Variants in AKR1C8 observed in about 807,000 individuals in gnomAD.
AKR1C8 encodes aldo-keto reductase family 1 member C-like protein 1.
At chr10:5,139,529 T>A in the AKR1C8 span, among the ~76,000 whole-genome samples, 4,803 of 152,164 alleles carry the variant, frequency 0.032, 259 homozygotes, top group African/African-American at 0.11. Context: ...TTGATAAACC[T>A]GACAAAAACA....
At chr10:5,129,039 A>G in the AKR1C8 span, among the ~76,000 whole-genome samples, 23 of 152,280 alleles carry the variant, frequency 1.5e-4, no homozygotes, top group African/African-American at 5.3e-4. Context: ...CCACAAAACA[A>G]GTCTCATTAA....
the AKR1C8 span, among the ~76,000 whole-genome samples, chr10:5,146,924 A>G: frequency 7.2e-5 from 11 of 152,180 alleles, no homozygotes; most frequent in African/African-American, 2.7e-4. Context: ...CTAGGTGTGT[A>G]GAGAAATTAG....
chr10:5,139,436 C>A, the AKR1C8 span, among the ~76,000 whole-genome samples: 2 of 152,166 alleles, frequency 1.3e-5, no homozygotes, highest in African/African-American at 4.8e-5. Context: ...CAACATGGTA[C>A]TAGTACCAAA....
chr10:5,138,740 C>A, the AKR1C8 span, among the ~76,000 whole-genome samples: 1 of 151,950 alleles, frequency 6.6e-6, no homozygotes, highest in Non-Finnish European at 1.5e-5. Context: ...ATTCGGCGTC[C>A]CTGACTTCCC....
At chr10:5,150,325 G>A in the AKR1C8 span, among the ~76,000 whole-genome samples, 8 of 151,942 alleles carry the variant, frequency 5.3e-5, no homozygotes, top group Non-Finnish European at 8.8e-5. Flanking sequence ...TCTTAGGATA[G>A]CCATGATCAA....
chr10:5,134,783 A>G, the AKR1C8 span, among the ~76,000 whole-genome samples: 1 of 152,232 alleles, frequency 6.6e-6, no homozygotes, highest in Admixed American at 6.5e-5. Context: ...AATTTCTTCA[A>G]TTATAGAAAG....
the AKR1C8 span, among the ~76,000 whole-genome samples, chr10:5,167,778 C>A: frequency 6.6e-6 from 1 of 151,328 alleles, no homozygotes; most frequent in East Asian, 2.0e-4. Context: ...TTAAGTATAA[C>A]AAAAAAAAGA....
chr10:5,176,610 G>T, the AKR1C8 span, among the ~76,000 whole-genome samples: 3 of 151,826 alleles, frequency 2.0e-5, no homozygotes, highest in African/African-American at 7.3e-5. Flanking sequence ...CTACCCATGA[G>T]CATGGAATGT....
the AKR1C8 span, among the ~76,000 whole-genome samples, chr10:5,141,248 A>G: frequency 6.6e-6 from 1 of 152,182 alleles, no homozygotes; most frequent in Admixed American, 6.6e-5. Flanking sequence ...TTAAAGTTTT[A>G]TCATGAAATT....
the AKR1C8 span, among the ~76,000 whole-genome samples, chr10:5,144,836 T>C: frequency 6.6e-6 from 1 of 152,204 alleles, no homozygotes; most frequent in African/African-American, 2.4e-5. Context: ...TTTGACTTCC[T>C]CTTTTCTTAA....
the AKR1C8 span, among the ~76,000 whole-genome samples, chr10:5,175,750 GT>G: frequency 6.6e-6 from 1 of 152,196 alleles, no homozygotes; most frequent in East Asian, 1.9e-4. Context: ...TTTTTCATGT[GT>G]TTTTTTGGCT....
At chr10:5,127,815 G>A in the AKR1C8 span, among the ~76,000 whole-genome samples, 2 of 151,472 alleles carry the variant, frequency 1.3e-5, no homozygotes, top group Admixed American at 1.3e-4. Context: ...AATAACTGGT[G>A]TTCCTGAGGG....
the AKR1C8 span, among the ~76,000 whole-genome samples, chr10:5,116,638 A>G: frequency 6.6e-6 from 1 of 152,206 alleles, no homozygotes; most frequent in African/African-American, 2.4e-5. Flanking sequence ...ACAGGCCATG[A>G]ATCACTATAT....
the AKR1C8 span, among the ~76,000 whole-genome samples, chr10:5,143,723 T>G: frequency 6.8e-6 from 1 of 148,074 alleles, no homozygotes; most frequent in Non-Finnish European, 1.5e-5. Flanking sequence ...AGATATATAT[T>G]ATATATAATA....
chr10:5,182,345 A>G, the AKR1C8 span, among the ~76,000 whole-genome samples: 2 of 152,192 alleles, frequency 1.3e-5, no homozygotes, highest in Non-Finnish European at 2.9e-5. Context: ...TCCGAAACCA[A>G]TAAAAACCTC....
chr10:5,158,622 C>T, the AKR1C8 span: 2 of 479,608 alleles, frequency 4.2e-6, no homozygotes, highest in Admixed American at 2.3e-5. Context: ...CTTTGGGATC[C>T]CAGGGCACTG....
the AKR1C8 span, among the ~76,000 whole-genome samples, chr10:5,179,174 G>C: frequency 6.6e-6 from 1 of 152,026 alleles, no homozygotes; most frequent in Non-Finnish European, 1.5e-5. Context: ...GGCAGGCCTG[G>C]TGGTGACAAA....
At chr10:5,182,012 C>CT in the AKR1C8 span, among the ~76,000 whole-genome samples, 2 of 152,104 alleles carry the variant, frequency 1.3e-5, no homozygotes, top group East Asian at 3.9e-4. Context: ...TGAAGTAATC[C>CT]TTTTTAACTT....
the AKR1C8 span, among the ~76,000 whole-genome samples, chr10:5,117,243 G>C: frequency 6.6e-6 from 1 of 151,938 alleles, no homozygotes; most frequent in East Asian, 1.9e-4. Flanking sequence ...AGTTTCCTGA[G>C]CCAAAATGAG....
Sources: gnomAD v4.1 joint callset for allele counts (sites outside exome capture counted in the v4.1 genomes callset) on GRCh38, gnomAD v4.1.1 for gene constraint, MANE v1.5 for transcripts, NCBI Gene and HGNC (gene_info 2026-07-23, HGNC 2026-07-21) for gene names.